Variants in KCNMB2 observed in about 807,000 individuals in gnomAD.
KCNMB2 encodes the protein calcium-activated potassium channel subunit beta-2.
Under a neutral mutation model 24.5 loss-of-function variants are expected in KCNMB2, and 9 were observed. The observed-to-expected ratio is 0.37, with a 90% CI of 0.22 to 0.64. The LOEUF (loss-of-function observed/expected upper bound fraction) is 0.64. KCNMB2 is among the 30% of genes least tolerant of loss of function. The pLI, the probability that KCNMB2 is intolerant of heterozygous loss-of-function variation, is 0.63. For synonymous variants in KCNMB2, 109 were observed against 104.4 expected, an observed-to-expected ratio of 1.04 and a Z score of -0.27; for missense variants, 226 against 284.3, an observed-to-expected ratio of 0.79 and a Z score of 1.47.
intron 1 of KCNMB2, among the ~76,000 whole-genome samples, chr3:178,569,157 GAATA>G (rs1479237723): frequency 2.0e-5 from 3 of 152,016 alleles, no homozygotes; most frequent in Non-Finnish European, 4.4e-5. Flanking sequence ...CATGTATTAG[GAATA>G]AATAGCCACC....
rs1404421034 is a variant in KCNMB2, at chr3:178,639,844, T to C, written c.-68+103133T>C. On this transcript the variant is annotated intron_variant, in intron 1 of 4. Transcript: ENST00000452583. ...GGACATTTAAAATTAAATGGTTTTT[T>C]CAATTTTTAAATCAAGTTCTTAGTT... is the stretch of plus-strand genomic sequence containing the variant. Among the ~76,000 whole-genome samples, 3 of 152,246 alleles carry C rather than the reference T, an allele frequency of 2.0e-5. No individual in the cohort carries two copies. The East Asian group carries it at 5.8e-4, about 29-fold the overall frequency.
intron 1 of KCNMB2, among the ~76,000 whole-genome samples, chr3:178,755,481 T>G (rs1322559906): frequency 2.6e-5 from 4 of 152,206 alleles, no homozygotes; most frequent in African/African-American, 9.6e-5. Context: ...GAGGTCATTT[T>G]AAGAACAAAA....
At chr3:178,653,055 ATTAAT>A (rs1331864252) in intron 1 of KCNMB2, among the ~76,000 whole-genome samples, 4 of 152,168 alleles carry the variant, frequency 2.6e-5, no homozygotes, top group African/African-American at 7.2e-5. Context: ...TAATTGATAT[ATTAAT>A]TTAAGAATTA....
chr3:178,800,987 C>T (rs1281579519), intron 1 of KCNMB2, among the ~76,000 whole-genome samples: 1 of 151,932 alleles, frequency 6.6e-6, no homozygotes, highest in Admixed American at 6.6e-5. Context: ...CAATTGAACT[C>T]ATGGAGATAG....
chr3:178,734,990 T>A (rs543544355), intron 1 of KCNMB2, among the ~76,000 whole-genome samples: 2 of 152,350 alleles, frequency 1.3e-5, no homozygotes, highest in African/African-American at 4.8e-5. Context: ...ATCCTCATCA[T>A]GATTTATCTC....
At chr3:178,707,443 A>T (rs1722314684) in intron 1 of KCNMB2, among the ~76,000 whole-genome samples, 1 of 152,124 alleles carries the variant, frequency 6.6e-6, no homozygotes, top group Non-Finnish European at 1.5e-5. Context: ...TGCTCTTGGC[A>T]GGGGTAGAGA....
chr3:178,839,222 C>G (rs545000142), intron 4 of KCNMB2, among the ~76,000 whole-genome samples: 45 of 151,274 alleles, frequency 3.0e-4, no homozygotes, highest in South Asian at 2.9e-3. Flanking sequence ...TCAGTTTTGT[C>G]ATGGCACATT....
intron 1 of KCNMB2, among the ~76,000 whole-genome samples, chr3:178,772,741 A>C (rs1398772188): frequency 6.6e-6 from 1 of 152,198 alleles, no homozygotes; most frequent in South Asian, 2.1e-4. Flanking sequence ...TCAATAAATA[A>C]TTGTTTAAAA....
chr3:178,797,703 T>C (rs946953456), intron 1 of KCNMB2, among the ~76,000 whole-genome samples: 3 of 152,244 alleles, frequency 2.0e-5, no homozygotes, highest in Non-Finnish European at 4.4e-5. Flanking sequence ...GGGAATAGCA[T>C]TGAATCTATA....
intron 1 of KCNMB2, among the ~76,000 whole-genome samples, chr3:178,581,635 A>G (rs1006548489): frequency 6.6e-6 from 1 of 152,248 alleles, no homozygotes; most frequent in African/African-American, 2.4e-5. Flanking sequence ...AAGCCCTAAT[A>G]TCTAGAATCT....
intron 1 of KCNMB2, among the ~76,000 whole-genome samples, chr3:178,632,325 A>C (rs185707360): frequency 1.3e-5 from 2 of 152,356 alleles, no homozygotes; most frequent in Admixed American, 6.5e-5. Flanking sequence ...GTATTAGTCC[A>C]TTCTCACACT....
At chr3:178,608,999 C>A (rs1232297812) in intron 1 of KCNMB2, among the ~76,000 whole-genome samples, 1 of 152,166 alleles carries the variant, frequency 6.6e-6, no homozygotes, top group Non-Finnish European at 1.5e-5. Context: ...CTTTTGGGTA[C>A]ATGCCCAGCA....
At chr3:178,698,577 G>A (rs1462431220) in intron 1 of KCNMB2, among the ~76,000 whole-genome samples, 1 of 152,186 alleles carries the variant, frequency 6.6e-6, no homozygotes, top group East Asian at 1.9e-4. Context: ...GTAGCTCAGT[G>A]AATTTCTTTC....
intron 1 of KCNMB2, among the ~76,000 whole-genome samples, chr3:178,759,509 A>ATC (rs1553775062): frequency 4.0e-5 from 4 of 99,882 alleles, no homozygotes. Context: ...ATATATATAT[A>ATC]TCTCTCCAAG....
chr3:178,605,200 G>T (rs1446994764), intron 1 of KCNMB2, among the ~76,000 whole-genome samples: 2 of 152,076 alleles, frequency 1.3e-5, no homozygotes, highest in East Asian at 1.9e-4. Context: ...TGGGATTAAA[G>T]CCCTTATAAA....
At chr3:178,783,734 G>T (rs1197161895) in intron 1 of KCNMB2, among the ~76,000 whole-genome samples, 1 of 152,106 alleles carries the variant, frequency 6.6e-6, no homozygotes, top group East Asian at 1.9e-4. Flanking sequence ...CATGTCGTCT[G>T]CAAACAGGGA....
chr3:178,730,977 T>C (rs555789750), intron 1 of KCNMB2, among the ~76,000 whole-genome samples: 3 of 152,284 alleles, frequency 2.0e-5, no homozygotes, highest in South Asian at 4.2e-4. Flanking sequence ...CAGACACTAG[T>C]TTATATACTT....
intron 1 of KCNMB2, among the ~76,000 whole-genome samples, chr3:178,589,209 C>A (rs1717571810): frequency 6.6e-6 from 1 of 152,194 alleles, no homozygotes; most frequent in African/African-American, 2.4e-5. Context: ...TCCAAGCCCT[C>A]CAATTAGAAA....
At chr3:178,573,710 G>T (rs1334986591) in intron 1 of KCNMB2, among the ~76,000 whole-genome samples, 1 of 134,672 alleles carries the variant, frequency 7.4e-6, no homozygotes, top group African/African-American at 2.9e-5. Context: ...TTGTGCCACT[G>T]CATTCCAGCC....
Sources: allele counts gnomAD v4.1 joint callset (sites outside exome capture counted in the v4.1 genomes callset), GRCh38; gene constraint gnomAD v4.1.1; transcripts MANE v1.5; gene names NCBI Gene and HGNC (gene_info 2026-07-23, HGNC 2026-07-21).